KCNQ1: variants seen among roughly 807,000 people sequenced by gnomAD.
KCNQ1 encodes the protein potassium voltage-gated channel subfamily Q member 1, also known as potassium voltage-gated channel subfamily KQT member 1.
In KCNQ1, 49 loss-of-function variants were observed where a neutral mutation model predicts 72.4. That is an observed-to-expected ratio of 0.68 (90% CI 0.54 to 0.86). KCNQ1 has a LOEUF of 0.86. Ranked by LOEUF, KCNQ1 falls within the 40% of genes least tolerant of loss-of-function variation. The pLI, the probability that KCNQ1 is intolerant of heterozygous loss-of-function variation, is 0.00. For synonymous variants in KCNQ1, 450 were observed against 412.6 expected (o/e 1.09, Z -1.10); for missense variants, 790 against 945.1 (o/e 0.84, Z 2.15).
Position 2,463,816 on chromosome 11 carries a change from C to T in KCNQ1, c.386+18332C>T, listed in dbSNP as rs1241147106. ...TCAGCCCTGAAGCCGGATGGCCCGG[C>T]CCCCGCTACCACGTGGAGGCTCCCT... On this transcript the variant is annotated intron_variant, in intron 1 of 15. Coordinates refer to ENST00000155840, the MANE Select transcript of KCNQ1 (RefSeq NM_000218.3). This position sits in a 1 kb window ranked among gnomAD's most constrained non-coding sequence, Gnocchi z 7.0. 6.6e-6 allele frequency among the ~76,000 whole-genome samples: 1 copy of T among 152,218 alleles called. No homozygotes were observed. The highest frequency in any genetic ancestry group is 1.5e-5 in the Non-Finnish European group (1 of 68,038).
intron 3 of KCNQ1, 86 bp from the exon 4 acceptor site, chr11:2,571,238 TC>T: frequency 8.9e-7 from 1 of 1,122,044 alleles, no homozygotes. Context: ...GCAAGCCCCT[TC>T]CCCAGACGAG....
chr11:2,575,807 C>T (rs1338159432), intron 6 of KCNQ1, among the ~76,000 whole-genome samples: 1 of 152,218 alleles, frequency 6.6e-6, no homozygotes, highest in African/African-American at 2.4e-5. Context: ...CAGACACACC[C>T]TGAGAGGGTG....
At chr11:2,801,075 G>A (rs1847253341) in intron 15 of KCNQ1, among the ~76,000 whole-genome samples, 1 of 152,180 alleles carries the variant, frequency 6.6e-6, no homozygotes, top group South Asian at 2.1e-4. Flanking sequence ...GCAGGGCCAG[G>A]CAGTGGCTCC....
At chr11:2,836,411 A>G (rs560396879) in intron 15 of KCNQ1, among the ~76,000 whole-genome samples, 26 of 152,292 alleles carry the variant, frequency 1.7e-4, no homozygotes, top group African/African-American at 5.8e-4. Flanking sequence ...GTTTTCACCC[A>G]GGAGGTAGAG....
intron 11 of KCNQ1, chr11:2,685,308 C>T: frequency 2.5e-6 from 1 of 398,686 alleles, no homozygotes; most frequent in Non-Finnish European, 4.4e-6. Flanking sequence ...GAGTATCGAT[C>T]TGTCTGATGT....
In KCNQ1 at chr11:2,715,416, G is replaced by T. The variant is rs754803589; in HGVS notation, c.1514+53335G>T. 2.0e-5 allele frequency among the ~76,000 whole-genome samples: 3 copies of T among 152,098 alleles called. No homozygotes were observed. Among genetic ancestry groups the T allele is most frequent in the African/African-American group, 4.8e-5 (2 of 41,410 alleles). ...GCTTTGCAGATTACCCAGACCCTTTGTTGGCCAGTGTGGGAATGGGGGGAG... is the reference window on the plus strand; with the variant it reads ...GCTTTGCAGATTACCCAGACCCTTTTTTGGCCAGTGTGGGAATGGGGGGAG... On this transcript the variant is annotated intron_variant, in intron 11 of 15. Coordinates refer to ENST00000155840, the MANE Select transcript of KCNQ1 (RefSeq NM_000218.3). The surrounding 1 kb of genome is among the most constrained non-coding windows in gnomAD (Gnocchi z 4.9).
chr11:2,691,109 G>A lies in KCNQ1; in HGVS notation c.1514+29028G>A, dbSNP rs1339129631. ...CCTGCAGATTCCTGACAACAGTAGG[G>A]GTGGAGGCTGTGCAGACCTGGTGCA... On this transcript the variant is annotated intron_variant, in intron 11 of 15. Transcript: ENST00000155840. The surrounding 1 kb of genome is among the most constrained non-coding windows in gnomAD (Gnocchi z 6.4). The A allele has an allele frequency of 5.0e-6, 2 of 398,558 alleles. No individual in the cohort carries two copies. Among genetic ancestry groups the A allele is most frequent in the Non-Finnish European group, 8.8e-6 (2 of 226,126 alleles). 24.7% of individuals were successfully genotyped at this position (398,558 alleles called of 1,614,324 possible). A position where few individuals can be genotyped will look rare whatever the true frequency, so the allele number is the denominator to read the frequency against.
chr11:2,662,348 G>C, intron 11 of KCNQ1: 1 of 565,788 alleles, frequency 1.8e-6, no homozygotes, highest in Admixed American at 3.1e-5. Flanking sequence ...TTCATGCTTT[G>C]AGAGTCTGAG....
Position 2,661,844 on chromosome 11 carries a change from A to G in KCNQ1, c.1394-117A>G, listed in dbSNP as rs1849961743. 7.8e-7 allele frequency: 1 copy of G among 1,283,538 alleles called. No individual in the cohort carries two copies. The highest frequency in any genetic ancestry group is 1.1e-6 in the Non-Finnish European group (1 of 886,844). The allele number at this position is 1,283,538 out of a possible 1,614,324, so 79.5% of individuals were successfully genotyped here. ...CTATAAAACTGATTGTCAGGGCTGG[A>G]GCTTCCAGGCACAAGCTCCACTCCT... is the stretch of plus-strand genomic sequence containing the variant. On this transcript the variant is annotated intron_variant, in intron 10 of 15. Coordinates refer to ENST00000155840, the MANE Select transcript of KCNQ1 (RefSeq NM_000218.3). The surrounding 1 kb of genome is among the most constrained non-coding windows in gnomAD (Gnocchi z 5.9).
intron 2 of KCNQ1, among the ~76,000 whole-genome samples, chr11:2,568,452 G>T (rs969566813): frequency 2.0e-5 from 3 of 152,184 alleles, no homozygotes; most frequent in Non-Finnish European, 4.4e-5. Flanking sequence ...TGGGCACCCT[G>T]TCTCAGCTCC....
Position 2,479,483 on chromosome 11 carries a change from G to A in KCNQ1, c.386+33999G>A, listed in dbSNP as rs1846622028. On this transcript the variant is annotated intron_variant, in intron 1 of 15. Coordinates refer to ENST00000155840, the MANE Select transcript of KCNQ1 (RefSeq NM_000218.3). This position sits in a 1 kb window ranked among gnomAD's most constrained non-coding sequence, Gnocchi z 4.6. ...CCACATGGAAGCTACCAAGAGTTGG[G>A]GCTTGCACCCTCTGAAGCCACAGCC... Among the ~76,000 whole-genome samples the A allele has an allele frequency of 6.6e-6, 1 of 152,200 alleles. No homozygotes were observed. Among genetic ancestry groups the A allele is most frequent in the South Asian group, 2.1e-4 (1 of 4,834 alleles).
intron 1 of KCNQ1, among the ~76,000 whole-genome samples, chr11:2,506,603 C>T (rs179413): frequency 6.6e-6 from 1 of 152,198 alleles, no homozygotes; most frequent in African/African-American, 2.4e-5. Context: ...GAGGTGTTAT[C>T]TTCAGGGTAG....
At chr11:2,570,072 T>C (rs1257469746) in intron 2 of KCNQ1, among the ~76,000 whole-genome samples, 1 of 152,002 alleles carries the variant, frequency 6.6e-6, no homozygotes, top group Non-Finnish European at 1.5e-5. Flanking sequence ...GGTGGGAAAG[T>C]GCTTATCACG....
Position 2,817,393 on chromosome 11 carries a change from CT to C in KCNQ1, c.1795-30373del, listed in dbSNP as rs1224692748. On this transcript the variant is annotated intron_variant, in intron 15 of 15. Coordinates refer to ENST00000155840, the MANE Select transcript of KCNQ1 (RefSeq NM_000218.3). The surrounding 1 kb of genome is among the most constrained non-coding windows in gnomAD (Gnocchi z 6.1). ...AGGAGGAGAATCACACCAGTGCCCC[CT>C]GACCCCCAGCCTTGTGCAGACACTG... 6.6e-6 allele frequency among the ~76,000 whole-genome samples: 1 copy of C among 152,148 alleles called. No individual in the cohort carries two copies. Among genetic ancestry groups the C allele is most frequent in the Non-Finnish European group, 1.5e-5 (1 of 68,036 alleles).
chr11:2,596,478 T>C (rs942589934), intron 10 of KCNQ1, among the ~76,000 whole-genome samples: 4 of 152,012 alleles, frequency 2.6e-5, no homozygotes, highest in Non-Finnish European at 4.4e-5. Context: ...TTCAAAGTTG[T>C]AGTATATTCC....
chr11:2,805,640 C>A (rs990794292), intron 15 of KCNQ1, among the ~76,000 whole-genome samples: 7 of 152,166 alleles, frequency 4.6e-5, no homozygotes, highest in African/African-American at 1.7e-4. Flanking sequence ...ATCGTGTGAC[C>A]AACGAAGCCA....
At chr11:2,777,280 G>A (rs955784903) in intron 14 of KCNQ1, among the ~76,000 whole-genome samples, 8 of 150,238 alleles carry the variant, frequency 5.3e-5, no homozygotes, top group East Asian at 2.0e-4. Context: ...ATTCCAGGGC[G>A]TTGAGGTTAG....
In KCNQ1 at chr11:2,570,664, G is replaced by GTGGTCCGCCTC. The variant is rs763462603; in HGVS notation, c.524_534dup (p.Gly179SerfsTer62). Reference sequence around the variant, plus strand: ...GGTGGTGTTCTTCGGGACGGAGTACGTGGTCCGCCTCTGGTCCGCCGGCTG... The same window carrying GTGGTCCGCCTC: ...GGTGGTGTTCTTCGGGACGGAGTACGTGGTCCGCCTCTGGTCCGCCTCTGGTCCGCCGGCTG... On this transcript the variant is annotated frameshift_variant, in exon 3 of 16. Transcript: ENST00000155840. LOFTEE classifies it high-confidence loss of function. The GTGGTCCGCCTC allele has an allele frequency of 1.2e-6, 2 of 1,612,646 alleles. No individual in the cohort carries two copies. Among genetic ancestry groups the GTGGTCCGCCTC allele is most frequent in the South Asian group, 2.2e-5 (2 of 91,082 alleles).
At chr11:2,512,606 C>G (rs1211471354) in intron 1 of KCNQ1, among the ~76,000 whole-genome samples, 1 of 152,244 alleles carries the variant, frequency 6.6e-6, no homozygotes, top group African/African-American at 2.4e-5. Flanking sequence ...TGCCCTGAGG[C>G]CCTCTGGCCG....
Sources: allele counts gnomAD v4.1 joint callset (sites outside exome capture counted in the v4.1 genomes callset), GRCh38; gene constraint gnomAD v4.1.1; non-coding constraint Gnocchi (gnomAD v3.1); transcripts MANE v1.5; gene names NCBI Gene and HGNC (gene_info 2026-07-23, HGNC 2026-07-21).